Variants in DDTL observed in about 807,000 individuals in gnomAD.
The protein encoded by DDTL is D-dopachrome tautomerase like, also known as putative D-dopachrome decarboxylase-like protein.
Under a neutral mutation model 1.1 loss-of-function variants are expected in DDTL, and 1 was observed. The observed-to-expected ratio is 0.91, with a 90% confidence interval of 0.32 to 4.31. The LOEUF (loss-of-function observed/expected upper bound fraction) is 4.31. Among genes scored for constraint, DDTL ranks in the 30% most tolerant of loss-of-function variants. DDTL has a pLI of 0.17. For synonymous variants in DDTL, 21 were observed against 16.6 expected (o/e 1.26, Z -0.64); for missense variants, 54 against 48.9 (o/e 1.10, Z -0.31).
At chr22:23,971,192 C>G in intron 2 of DDTL, 94 bp from the exon 3 acceptor site, 1 of 1,512,308 alleles carries the variant, frequency 6.6e-7, no homozygotes, top group Non-Finnish European at 8.8e-7. Flanking sequence ...CTGCTCACAC[C>G]TTCCCACAGG....
rs1382509356 is a variant in DDTL, at chr22:23,971,393, T to C, written c.392T>C (p.Ile131Thr). The C allele has an allele frequency of 6.2e-7, 1 of 1,613,782 alleles. No homozygotes were observed. The highest frequency in any genetic ancestry group is 1.1e-5 in the South Asian group (1 of 91,048). Residue 131 changes from isoleucine (I) to threonine (T), a missense_variant, in exon 3 of 3, where the codon ATT (isoleucine) becomes ACT (threonine). Ile to Thr is a moderately conservative substitution (Grantham distance 89, BLOSUM62 -1). Coordinates refer to ENST00000215770, the MANE Select transcript of DDTL (RefSeq NM_001084393.2). ...KSCLNEEALF[I>T]YFI ...TGTTTGAATGAGGAAGCTCTCTTCATTTATTTCATATGAGGATGAAGAAGA... is the reference window on the plus strand; with the variant it reads ...TGTTTGAATGAGGAAGCTCTCTTCACTTATTTCATATGAGGATGAAGAAGA...
chr22:23,971,176 G>A, intron 2 of DDTL, 110 bp from the exon 3 acceptor site: 2 of 1,487,530 alleles, frequency 1.3e-6, no homozygotes, highest in Non-Finnish European at 1.8e-6. Flanking sequence ...GCCCCAGCTG[G>A]ACCAGCTGCT....
Position 23,971,465 on chromosome 22 carries a change from G to A in DDTL, c.*59G>A. The A allele has an allele frequency of 6.2e-7, 1 of 1,606,882 alleles. No individual in the cohort carries two copies. The highest frequency in any genetic ancestry group is 1.1e-5 in the South Asian group (1 of 90,354). On this transcript the variant is annotated 3_prime_UTR_variant, in exon 3 of 3. Coordinates refer to ENST00000215770, the MANE Select transcript of DDTL (RefSeq NM_001084393.2). ...GTTGCATGCGGGATAATCCAAAGCT[G>A]GTTATCTCCAGGCCCTCACTCTGCC...
At position 23,971,727 on chromosome 22, in the gene DDTL, CTCAGTCCACCAGG is replaced by C. The variant is rs2033908308; in HGVS notation, c.*322_*334del. On this transcript the variant is annotated 3_prime_UTR_variant, in exon 3 of 3. Coordinates refer to ENST00000215770, the MANE Select transcript of DDTL (RefSeq NM_001084393.2). ...ACTGTGGGTACTCAGGACAGCCTGCCTCAGTCCACCAGGCATTTTGCAAACCTGCTCATCCCAA... is the reference window on the plus strand; with the variant it reads ...ACTGTGGGTACTCAGGACAGCCTGCCCATTTTGCAAACCTGCTCATCCCAA... The C allele has an allele frequency of 9.7e-7, 1 of 1,030,942 alleles. No homozygotes were observed. The highest frequency in any genetic ancestry group is 1.6e-5 in the South Asian group (1 of 63,970). 63.9% of individuals were successfully genotyped at this position (1,030,942 alleles called of 1,614,324 possible).
chr22:23,970,160 G>A (rs955919614), intron 2 of DDTL, among the ~76,000 whole-genome samples: 5 of 152,222 alleles, frequency 3.3e-5, no homozygotes, highest in African/African-American at 1.2e-4. Flanking sequence ...AGGGCCAAAG[G>A]CGGAGGTGAC....
chr22:23,970,453 G>C (rs2033880472), intron 2 of DDTL, among the ~76,000 whole-genome samples: 1 of 151,992 alleles, frequency 6.6e-6, no homozygotes, highest in East Asian at 1.9e-4. Context: ...TGTGTGACGG[G>C]GAGTATGTGT....
rs761962487 is a variant in DDTL, at chr22:23,971,435, G to A, written c.*29G>A. 1 of 1,610,478 alleles carries A rather than the reference G, an allele frequency of 6.2e-7. No individual in the cohort carries two copies. The highest frequency in any genetic ancestry group is 8.5e-7 in the Non-Finnish European group (1 of 1,177,746). ...TGAAGAAGAGGATTATGTGATCACA[G>A]GAATGTTGCATGCGGGATAATCCAA... On this transcript the variant is annotated 3_prime_UTR_variant, in exon 3 of 3. Coordinates refer to ENST00000215770, the MANE Select transcript of DDTL (RefSeq NM_001084393.2).
At chr22:23,970,432 TTGTG>T (rs1296948666) in intron 2 of DDTL, among the ~76,000 whole-genome samples, 1 of 151,934 alleles carries the variant, frequency 6.6e-6, no homozygotes, top group Non-Finnish European at 1.5e-5. Context: ...TTGGTGTGAA[TTGTG>T]TGCCTGTGTG....
intron 2 of DDTL, 89 bp from the exon 3 acceptor site, chr22:23,971,197 C>G: frequency 6.6e-7 from 1 of 1,516,076 alleles, no homozygotes; most frequent in South Asian, 1.3e-5. Flanking sequence ...CACACCTTCC[C>G]ACAGGCCTGC....
chr22:23,969,959 CATT>C (rs1231095222), intron 2 of DDTL: 3 of 650,822 alleles, frequency 4.6e-6, no homozygotes, highest in Non-Finnish European at 3.8e-6. Flanking sequence ...TGGTGTGCAT[CATT>C]GTTAAGCAGG....
In DDTL at chr22:23,971,781, A is replaced by C; in HGVS notation, c.*375A>C. 3 of 668,152 alleles carry C rather than the reference A, an allele frequency of 4.5e-6. No homozygotes were observed. Among genetic ancestry groups the C allele is most frequent in the Admixed American group, 2.9e-5 (1 of 34,654 alleles). 41.4% of individuals were successfully genotyped at this position (668,152 alleles called of 1,614,324 possible). On this transcript the variant is annotated 3_prime_UTR_variant, in exon 3 of 3. Coordinates refer to ENST00000215770, the MANE Select transcript of DDTL (RefSeq NM_001084393.2). Reference sequence around the variant, plus strand: ...CTCATCCCAATAATGATTTTCCCCAACCCCCAGCAGGGCAGTGGGACACTC... The same window carrying C: ...CTCATCCCAATAATGATTTTCCCCACCCCCCAGCAGGGCAGTGGGACACTC...
Position 23,971,970 on chromosome 22 carries a change from C to T in DDTL, c.*564C>T, listed in dbSNP as rs1269594867. ...CCTAAGGGCACAGTACCTCAGCCACCTGTTTTCTCAAAGGCTGAGCACAGG... is the reference window on the plus strand; with the variant it reads ...CCTAAGGGCACAGTACCTCAGCCACTTGTTTTCTCAAAGGCTGAGCACAGG... On this transcript the variant is annotated 3_prime_UTR_variant, in exon 3 of 3. Coordinates refer to ENST00000215770, the MANE Select transcript of DDTL (RefSeq NM_001084393.2). 2 of 217,694 alleles carry T rather than the reference C, an allele frequency of 9.2e-6. No homozygotes were observed. The highest frequency in any genetic ancestry group is 2.7e-4 in the East Asian group (2 of 7,518). 13.5% of individuals were successfully genotyped at this position (217,694 alleles called of 1,614,324 possible). A position where few individuals can be genotyped will look rare whatever the true frequency, so the allele number is the denominator to read the frequency against.
At chr22:23,970,435 T>C (rs1346159988) in intron 2 of DDTL, among the ~76,000 whole-genome samples, 1 of 152,054 alleles carries the variant, frequency 6.6e-6, no homozygotes, top group Non-Finnish European at 1.5e-5. Context: ...GTGTGAATTG[T>C]GTGCCTGTGT....
chr22:23,971,992 C>G lies in DDTL; in HGVS notation c.*586C>G, dbSNP rs2033914680. 4.3e-6 allele frequency: 1 copy of G among 231,422 alleles called. No homozygotes were observed. The highest frequency in any genetic ancestry group is 2.3e-5 in the African/African-American group (1 of 43,276). The allele number at this position is 231,422 out of a possible 1,614,324, so 14.3% of individuals were successfully genotyped here. ...CACCTGTTTTCTCAAAGGCTGAGCA[C>G]AGGGTGACCCCCCACCCCACCAACC... On this transcript the variant is annotated 3_prime_UTR_variant, in exon 3 of 3. Coordinates refer to ENST00000215770, the MANE Select transcript of DDTL (RefSeq NM_001084393.2).
Position 23,972,189 on chromosome 22 carries a change from T to C in DDTL, c.*783T>C, listed in dbSNP as rs1194027843. On this transcript the variant is annotated 3_prime_UTR_variant, in exon 3 of 3. Coordinates refer to ENST00000215770, the MANE Select transcript of DDTL (RefSeq NM_001084393.2). ...ATGGAGATTATCTACCTCATGGGGATAGCATGTCTTGTCTGAGCAAAGGGA... is the reference window on the plus strand; with the variant it reads ...ATGGAGATTATCTACCTCATGGGGACAGCATGTCTTGTCTGAGCAAAGGGA... 1 of 935,262 alleles carries C rather than the reference T, an allele frequency of 1.1e-6. No individual in the cohort carries two copies. The highest frequency in any genetic ancestry group is 1.8e-5 in the African/African-American group (1 of 56,032). 57.9% of individuals were successfully genotyped at this position (935,262 alleles called of 1,614,324 possible). A position where few individuals can be genotyped will look rare whatever the true frequency, so the allele number is the denominator to read the frequency against.
At chr22:23,970,146 GCTGAGGGCCAAAGGCGGAGGTGACA>G (rs759773573) in intron 2 of DDTL, among the ~76,000 whole-genome samples, 1 of 152,218 alleles carries the variant, frequency 6.6e-6, no homozygotes, top group Non-Finnish European at 1.5e-5. Flanking sequence ...GGAAGGGGAC[GCTGAGGGCCAAAGGCGGAGGTGACA>G]CTGGGAAGGG....
In DDTL at chr22:23,971,455, A is replaced by C. The variant is rs755291919; in HGVS notation, c.*49A>C. On this transcript the variant is annotated 3_prime_UTR_variant, in exon 3 of 3. Transcript: ENST00000215770. ...TCACAGGAATGTTGCATGCGGGATA[A>C]TCCAAAGCTGGTTATCTCCAGGCCC... The C allele has an allele frequency of 2.5e-6, 4 of 1,607,556 alleles. No individual in the cohort carries two copies. In the Admixed American group the frequency reaches 6.7e-5, roughly 27 times the overall value.
intron 2 of DDTL, chr22:23,969,644 G>C: frequency 2.0e-6 from 2 of 983,402 alleles, no homozygotes; most frequent in Non-Finnish European, 2.4e-6. Context: ...AACAAAGTGC[G>C]ACCCCATCTC....
chr22:23,969,699 A>T, intron 2 of DDTL: 1 of 978,416 alleles, frequency 1.0e-6, no homozygotes, highest in Non-Finnish European at 1.2e-6. Flanking sequence ...TGAGCCTGTG[A>T]TCCAAACTAC....
Sources: gnomAD v4.1 joint callset for allele counts (sites outside exome capture counted in the v4.1 genomes callset) on GRCh38, gnomAD v4.1.1 for gene constraint, MANE v1.5 for transcripts, NCBI Gene and HGNC (gene_info 2026-07-23, HGNC 2026-07-21) for gene names.